Variants in KCNH5 observed in about 807,000 individuals in gnomAD.
The protein encoded by KCNH5 is potassium voltage-gated channel subfamily H member 5.
A neutral mutation model predicts 96.1 loss-of-function variants in KCNH5; 46 were observed. The ratio of observed to expected loss-of-function variants is 0.48; its 90% confidence interval spans 0.38 to 0.61. KCNH5 has a LOEUF of 0.61. Ranked by LOEUF, KCNH5 falls within the 20% of genes least tolerant of loss-of-function variation. The pLI, the probability that KCNH5 is intolerant of heterozygous loss-of-function variation, is 0.00. For synonymous variants in KCNH5, 439 were observed against 449.8 expected, an observed-to-expected ratio of 0.98 and a Z score of 0.30; for missense variants, 907 against 1,225.8, an observed-to-expected ratio of 0.74 and a Z score of 3.88.
At chr14:62,767,363 C>T (rs1885882901) in intron 10 of KCNH5, among the ~76,000 whole-genome samples, 2 of 152,140 alleles carry the variant, frequency 1.3e-5, no homozygotes, top group South Asian at 4.1e-4. Context: ...ACCATAAAGA[C>T]ACACACATGC....
At chr14:62,912,809 G>A (rs1481223529) in intron 7 of KCNH5, among the ~76,000 whole-genome samples, 2 of 152,116 alleles carry the variant, frequency 1.3e-5, no homozygotes, top group African/African-American at 4.8e-5. Context: ...CTTTAAGTGT[G>A]GAAAATGAAG....
chr14:62,962,111 C>T (rs1890224412), intron 6 of KCNH5, among the ~76,000 whole-genome samples: 1 of 151,634 alleles, frequency 6.6e-6, no homozygotes, highest in African/African-American at 2.4e-5. Flanking sequence ...GAGATGGATA[C>T]AGGGACAGGG....
At chr14:62,829,354 C>G (rs1431718860) in intron 8 of KCNH5, among the ~76,000 whole-genome samples, 2 of 152,216 alleles carry the variant, frequency 1.3e-5, no homozygotes, top group Non-Finnish European at 2.9e-5. Context: ...TTCACCTCTG[C>G]ACTGCCCTAG....
chr14:62,844,322 T>G (rs568583784), intron 8 of KCNH5, among the ~76,000 whole-genome samples: 31 of 152,328 alleles, frequency 2.0e-4, no homozygotes, highest in African/African-American at 7.5e-4. Flanking sequence ...TCCAGTATGA[T>G]GGGAAATATG....
intron 7 of KCNH5, among the ~76,000 whole-genome samples, chr14:62,869,130 T>A (rs987783000): frequency 6.6e-6 from 1 of 152,224 alleles, no homozygotes; most frequent in Non-Finnish European, 1.5e-5. Flanking sequence ...CCACAATGGT[T>A]GAACTAATTT....
At chr14:62,771,611 C>T (rs1398932631) in intron 10 of KCNH5, among the ~76,000 whole-genome samples, 2 of 152,032 alleles carry the variant, frequency 1.3e-5, no homozygotes, top group Non-Finnish European at 2.9e-5. Context: ...GGTGACAGAG[C>T]GAGACTCTGC....
At chr14:62,875,619 T>C (rs1037601367) in intron 7 of KCNH5, among the ~76,000 whole-genome samples, 1 of 152,202 alleles carries the variant, frequency 6.6e-6, no homozygotes, top group African/African-American at 2.4e-5. Context: ...TCAACCATTG[T>C]GGAAGACAGT....
rs1411456597 is a variant in KCNH5 at position 62,706,435 on chromosome 14, C to T, written c.*1073G>A. ...TGTTATCACTACAAACACTAGGATTCATGTGTCAACAATCCGTACCAGTGT... is the reference window on the plus strand; with the variant it reads ...TGTTATCACTACAAACACTAGGATTTATGTGTCAACAATCCGTACCAGTGT... On this transcript the variant is annotated 3_prime_UTR_variant, in exon 11 of 11. Coordinates refer to ENST00000322893, the MANE Select transcript of KCNH5 (RefSeq NM_139318.5). 1 of 152,178 alleles carries T rather than the reference C, an allele frequency of 6.6e-6. No homozygotes were observed. The highest frequency in any genetic ancestry group is 1.5e-5 in the Non-Finnish European group (1 of 67,982). 9.4% of individuals were successfully genotyped at this position (152,178 alleles called of 1,614,324 possible).
intron 7 of KCNH5, among the ~76,000 whole-genome samples, chr14:62,861,045 T>G (rs1315561162): frequency 1.3e-5 from 2 of 152,150 alleles, no homozygotes; most frequent in Non-Finnish European, 2.9e-5. Flanking sequence ...TGTGACATGA[T>G]TTTTCAAAAT....
chr14:62,712,741 T>G, intron 10 of KCNH5: 1 of 775,488 alleles, frequency 1.3e-6, no homozygotes, highest in Non-Finnish European at 2.4e-6. Context: ...TTGAACACAA[T>G]TGAAGCTGTA....
chr14:62,918,472 G>A (rs1020299281), intron 7 of KCNH5, among the ~76,000 whole-genome samples: 5 of 151,996 alleles, frequency 3.3e-5, no homozygotes, highest in East Asian at 1.9e-4. Flanking sequence ...TTTGCAACAC[G>A]TAAGATAAAC....
At chr14:62,884,583 G>A (rs549266706) in intron 7 of KCNH5, among the ~76,000 whole-genome samples, 10 of 152,204 alleles carry the variant, frequency 6.6e-5, no homozygotes, top group African/African-American at 1.7e-4. Context: ...CTGAGATCGC[G>A]CCACTGCACT....
At chr14:62,818,046 G>A (rs1887029161) in intron 8 of KCNH5, among the ~76,000 whole-genome samples, 1 of 134,000 alleles carries the variant, frequency 7.5e-6, no homozygotes, top group Non-Finnish European at 1.5e-5. Flanking sequence ...TCACCTATAT[G>A]TGGAATCTAT....
chr14:62,730,189 G>T (rs1000125467), intron 10 of KCNH5, among the ~76,000 whole-genome samples: 1 of 152,106 alleles, frequency 6.6e-6, no homozygotes, highest in Admixed American at 6.5e-5. Flanking sequence ...GATTGTGCAA[G>T]AATACATAGT....
intron 7 of KCNH5, among the ~76,000 whole-genome samples, chr14:62,928,452 C>T (rs185545048): frequency 2.2e-4 from 33 of 152,188 alleles, no homozygotes; most frequent in African/African-American, 7.9e-4. Context: ...ATTTATTTAG[C>T]ATTTACAATG....
intron 6 of KCNH5, among the ~76,000 whole-genome samples, chr14:62,972,369 G>A (rs1481049132): frequency 1.3e-5 from 2 of 152,142 alleles, no homozygotes; most frequent in Admixed American, 6.5e-5. Context: ...GCAAGGATGT[G>A]GAACAACAGA....
chr14:62,864,682 A>G (rs1888099875), intron 7 of KCNH5, among the ~76,000 whole-genome samples: 1 of 152,226 alleles, frequency 6.6e-6, no homozygotes, highest in South Asian at 2.1e-4. Context: ...AAGTTTCATT[A>G]ATGTTGCATA....
chr14:62,998,150 AT>A, intron 4 of KCNH5, among the ~76,000 whole-genome samples: 1 of 152,194 alleles, frequency 6.6e-6, no homozygotes, highest in East Asian at 1.9e-4. Flanking sequence ...ATTATTGTTA[AT>A]TTTTTAAATA....
chr14:62,734,481 C>G (rs1464536295), intron 10 of KCNH5, among the ~76,000 whole-genome samples: 4 of 152,060 alleles, frequency 2.6e-5, no homozygotes, highest in Non-Finnish European at 5.9e-5. Flanking sequence ...TGCATCTCTC[C>G]CTAAGATACC....
Sources: allele counts gnomAD v4.1 joint callset (sites outside exome capture counted in the v4.1 genomes callset), GRCh38; gene constraint gnomAD v4.1.1; transcripts MANE v1.5; gene names NCBI Gene and HGNC (gene_info 2026-07-23, HGNC 2026-07-21).